The following SLC25A43 variants were observed in gnomAD, a reference collection of about 807,000 sequenced individuals.
SLC25A43 encodes the protein solute carrier family 25 member 43, also known as solute carrier family 25, member 43.
Under a neutral mutation model 22.8 loss-of-function variants are expected in SLC25A43, and 10 were observed. The observed-to-expected ratio is 0.44, with a 90% CI of 0.27 to 0.74. The LOEUF is 0.74. Ranked by LOEUF, SLC25A43 falls within the 30% of genes least tolerant of loss-of-function variation. The pLI is 0.17. For synonymous variants in SLC25A43, 106 were observed against 121.6 expected, an observed-to-expected ratio of 0.87 and a Z score of 0.84; for missense variants, 233 against 279.1, an observed-to-expected ratio of 0.83 and a Z score of 1.18.
chrX:119,431,452 G>A (rs2052550270), intron 3 of SLC25A43, among the ~76,000 whole-genome samples: 1 of 107,830 alleles, frequency 9.3e-6, no homozygotes, highest in Non-Finnish European at 1.9e-5. Flanking sequence ...GGTGGAGGTT[G>A]CAGTAAGCCA....
chrX:119,451,313 G>A (rs1387349308), intron 3 of SLC25A43, among the ~76,000 whole-genome samples: 2 of 112,035 alleles, frequency 1.8e-5, no homozygotes, highest in Non-Finnish European at 3.8e-5. Flanking sequence ...CACTGAAGCC[G>A]AAGGCCAGAA....
At chrX:119,412,827 T>C (rs1165015485) in intron 3 of SLC25A43, among the ~76,000 whole-genome samples, 4 of 110,107 alleles carry the variant, frequency 3.6e-5, no homozygotes, top group Non-Finnish European at 7.6e-5. Context: ...GCTTAGTGCA[T>C]GCTTATCTTT....
chrX:119,427,120 C>T (rs1421293022), intron 3 of SLC25A43, among the ~76,000 whole-genome samples: 1 of 110,450 alleles, frequency 9.1e-6, no homozygotes, highest in African/African-American at 3.3e-5. Context: ...GGCAAGGTGA[C>T]ACTTTCAAAG....
chrX:119,426,365 T>A (rs1160265949), intron 3 of SLC25A43: 1 of 384,616 alleles, frequency 2.6e-6, no homozygotes, highest in African/African-American at 2.8e-5. Context: ...GTAAGAATGG[T>A]GCCTACCTCA....
chrX:119,452,492 C>CAAAA (rs376677564), intron 4 of SLC25A43, among the ~76,000 whole-genome samples: 1 of 66,075 alleles, frequency 1.5e-5, no homozygotes, highest in African/African-American at 5.3e-5. Flanking sequence ...AACTCCATGA[C>CAAAA]AAAAAAAAAA....
chrX:119,429,775 A>G (rs1454858990), intron 3 of SLC25A43, among the ~76,000 whole-genome samples: 2 of 111,851 alleles, frequency 1.8e-5, no homozygotes. Context: ...CTTCGTGTGG[A>G]GGTCTCAGAA....
chrX:119,408,198 A>G (rs2052315253), intron 2 of SLC25A43, among the ~76,000 whole-genome samples: 1 of 110,380 alleles, frequency 9.1e-6, no homozygotes, highest in Non-Finnish European at 1.9e-5. Flanking sequence ...ATCTCCTGCC[A>G]TACCTCCACC....
At position 119,445,675 on chromosome X, in the gene SLC25A43, G is replaced by A. The variant is rs935336437; in HGVS notation, c.691-6334G>A. ...CTGCTATGCACCAGCTGGGGGCTTTGGTTAAGTTGCTCTGCTTCTCCAGGT... is the reference window on the plus strand; with the variant it reads ...CTGCTATGCACCAGCTGGGGGCTTTAGTTAAGTTGCTCTGCTTCTCCAGGT... On this transcript the variant is annotated intron_variant, in intron 3 of 4. Coordinates refer to ENST00000217909, the MANE Select transcript of SLC25A43 (RefSeq NM_145305.3). Among the ~76,000 whole-genome samples the A allele has an allele frequency of 5.4e-5, 6 of 111,946 alleles. No homozygotes were observed. In the Admixed American group the frequency reaches 5.7e-4, roughly 11 times the overall value.
chrX:119,399,441 G>A lies in SLC25A43; in HGVS notation c.38G>A (p.Gly13Asp), dbSNP rs1330648142. The A allele has an allele frequency of 9.7e-7, 1 of 1,030,617 alleles. No homozygotes were observed. Among genetic ancestry groups the A allele is most frequent in the Non-Finnish European group, 1.2e-6 (1 of 809,155 alleles). 84.9% of individuals were successfully genotyped at this position (1,030,617 alleles called of 1,213,427 possible). A position where few individuals can be genotyped will look rare whatever the true frequency, so the allele number is the denominator to read the frequency against. ...AGGCGGGACGGCCGACTGACAGGCG[G>A]CCAAAGGCTGCTGTGCGCTGGGCTG... ...TWRRDGRLTG[G>D]QRLLCAGLAG... The change falls in exon 1 of 5, where the codon GGC becomes GAC. Residue 13 changes from glycine (G) to aspartate (D), a missense_variant. Physicochemically the swap from Gly to Asp is moderately conservative, Grantham distance 94 (BLOSUM62 -1). Coordinates refer to ENST00000217909, the MANE Select transcript of SLC25A43 (RefSeq NM_145305.3).
chrX:119,404,627 G>C (rs915288605), intron 1 of SLC25A43, among the ~76,000 whole-genome samples: 2 of 111,262 alleles, frequency 1.8e-5, no homozygotes, highest in Admixed American at 9.6e-5. Flanking sequence ...CAACCATGTA[G>C]AAATGTGACT....
intron 2 of SLC25A43, 101 bp downstream of exon 2, chrX:119,406,802 A>G: frequency 1.0e-6 from 1 of 973,412 alleles, no homozygotes; most frequent in Non-Finnish European, 1.4e-6. Context: ...TTTTACTGAG[A>G]TCAAGGTTAT....
chrX:119,419,611 C>T (rs1012280266), intron 3 of SLC25A43, among the ~76,000 whole-genome samples: 2 of 111,635 alleles, frequency 1.8e-5, no homozygotes, highest in African/African-American at 6.5e-5. Context: ...CCTGACCTCC[C>T]TTCTGAGCCA....
intron 3 of SLC25A43, among the ~76,000 whole-genome samples, chrX:119,419,414 G>A (rs747573037): frequency 2.7e-5 from 3 of 111,698 alleles, no homozygotes; most frequent in Non-Finnish European, 3.8e-5. Flanking sequence ...GGTGGTATCC[G>A]AGTGGTACAG....
At chrX:119,404,904 G>A (rs978886401) in intron 1 of SLC25A43, among the ~76,000 whole-genome samples, 14 of 112,125 alleles carry the variant, frequency 1.2e-4, no homozygotes, top group African/African-American at 3.9e-4. Context: ...AAGCCATCCC[G>A]GGCCACATGC....
At chrX:119,451,533 G>C (rs2052707616) in intron 3 of SLC25A43, among the ~76,000 whole-genome samples, 1 of 111,841 alleles carries the variant, frequency 8.9e-6, no homozygotes, top group South Asian at 3.7e-4. Flanking sequence ...GGAAGGGTTT[G>C]GGAACAGCAA....
intron 3 of SLC25A43, among the ~76,000 whole-genome samples, chrX:119,449,355 A>C (rs2052688847): frequency 9.6e-6 from 1 of 104,570 alleles, no homozygotes; most frequent in African/African-American, 3.5e-5. Context: ...CAGAGGTTGC[A>C]GTGAGCCGAG....
chrX:119,405,650 G>A (rs1556046261), intron 1 of SLC25A43, among the ~76,000 whole-genome samples: 2 of 104,258 alleles, frequency 1.9e-5, no homozygotes, highest in South Asian at 8.9e-4. Flanking sequence ...CACATCTGTA[G>A]TTTCAGCTAC....
At chrX:119,446,862 C>T (rs1207626187) in intron 3 of SLC25A43, among the ~76,000 whole-genome samples, 1 of 112,336 alleles carries the variant, frequency 8.9e-6, no homozygotes, top group Non-Finnish European at 1.9e-5. Context: ...CTAGGAAAAA[C>T]AGACATGTAA....
intron 3 of SLC25A43, among the ~76,000 whole-genome samples, chrX:119,425,685 G>A (rs1387616213): frequency 9.1e-6 from 1 of 109,292 alleles, no homozygotes; most frequent in African/African-American, 3.3e-5. Context: ...CATCCCTTAG[G>A]CAAGGTGGCT....
Sources: gnomAD v4.1 joint callset for allele counts (sites outside exome capture counted in the v4.1 genomes callset) on GRCh38, gnomAD v4.1.1 for gene constraint, MANE v1.5 for transcripts, NCBI Gene and HGNC (gene_info 2026-07-23, HGNC 2026-07-21) for gene names.